The following LMNTD1 variants were observed in gnomAD, a reference collection of about 807,000 sequenced individuals.
LMNTD1 encodes lamin tail domain containing 1.
In LMNTD1, 35 loss-of-function variants were observed where a neutral mutation model predicts 50.9. The observed-to-expected ratio is 0.69, with a 90% CI of 0.53 to 0.91. The LOEUF is 0.91. Ranked by LOEUF, LMNTD1 falls within the 40% of genes least tolerant of loss-of-function variation. The pLI, the probability that LMNTD1 is intolerant of heterozygous loss-of-function variation, is 0.00. For synonymous variants in LMNTD1, 153 were observed against 161.9 expected (o/e 0.94, Z 0.42); for missense variants, 470 against 475.5 (o/e 0.99, Z 0.11).
At position 25,635,217 on chromosome 12, in the gene LMNTD1, G is replaced by A. The variant is rs141791506; in HGVS notation, c.58+13277C>T. ...ATCACACCATTGCACTCCAGTCTGGGCAACAAGAGTGAAACTCTGTCTCAA... is the reference window on the plus strand; with the variant it reads ...ATCACACCATTGCACTCCAGTCTGGACAACAAGAGTGAAACTCTGTCTCAA... On this transcript the variant is annotated intron_variant, in intron 1 of 7. Coordinates refer to the LMNTD1 transcript ENST00000445693. Among the ~76,000 whole-genome samples the A allele has an allele frequency of 4.3e-3, 570 of 131,280 alleles. 1 individual carries two copies. The highest frequency in any genetic ancestry group is 0.015 in the African/African-American group (529 of 35,390). The allele number at this position is 131,280 out of a possible 152,430, so 86.1% of individuals were successfully genotyped here.
intron 1 of LMNTD1, among the ~76,000 whole-genome samples, chr12:25,579,865 C>G (rs183338240): frequency 6.6e-6 from 1 of 152,102 alleles, no homozygotes; most frequent in Non-Finnish European, 1.5e-5. Flanking sequence ...AACTACCCAG[C>G]GAGCCTCTGA....
chr12:25,559,908 ATTTG>A (rs1354450066), intron 1 of LMNTD1, among the ~76,000 whole-genome samples: 2 of 152,112 alleles, frequency 1.3e-5, no homozygotes, highest in African/African-American at 4.8e-5. Flanking sequence ...TTTCTTACAA[ATTTG>A]TTTAAGTTCT....
Position 25,526,183 on chromosome 12 carries a change from A to T in LMNTD1, c.714T>A (p.Pro238=). The change falls in exon 6 of 10, where the codon CCT becomes CCA. Residue 238 remains proline (P), a synonymous_variant. Coordinates refer to ENST00000458174, the MANE Select transcript of LMNTD1 (RefSeq NM_001145728.2). ...WAAASEAKHQ[P]PSDFLWKEQD... ...GTTCCTTCCAAAGAAAATCTGATGGAGGTTGATGCTTTGCTTCAGATGCTG... is the reference window on the plus strand; with the variant it reads ...GTTCCTTCCAAAGAAAATCTGATGGTGGTTGATGCTTTGCTTCAGATGCTG... 1 of 1,611,050 alleles carries T rather than the reference A, an allele frequency of 6.2e-7. No homozygotes were observed. The highest frequency in any genetic ancestry group is 8.5e-7 in the Non-Finnish European group (1 of 1,178,350).
intron 6 of LMNTD1, among the ~76,000 whole-genome samples, chr12:25,524,828 C>T (rs10505966): frequency 0.14 from 21,092 of 151,968 alleles, 1,547 homozygotes; most frequent in East Asian, 0.2. Flanking sequence ...AAATTCAGTT[C>T]GAGCCCACAA....
At chr12:25,579,676 T>A (rs540406635) in intron 1 of LMNTD1, among the ~76,000 whole-genome samples, 4 of 152,296 alleles carry the variant, frequency 2.6e-5, no homozygotes, top group African/African-American at 9.6e-5. Flanking sequence ...CATCTCCCTG[T>A]GCTATCTCAG....
intron 1 of LMNTD1, among the ~76,000 whole-genome samples, chr12:25,607,343 C>T (rs921189797): frequency 5.9e-5 from 9 of 152,128 alleles, no homozygotes; most frequent in African/African-American, 2.2e-4. Flanking sequence ...TTCAGTTCTG[C>T]TCTGATCTTA....
chr12:25,625,421 G>A (rs915694290), intron 1 of LMNTD1, among the ~76,000 whole-genome samples: 2 of 152,088 alleles, frequency 1.3e-5, no homozygotes, highest in Non-Finnish European at 2.9e-5. Context: ...GGTATTCTGG[G>A]TGGAGTTTCA....
At chr12:25,503,833 G>C (rs757325419) in intron 8 of LMNTD1, 33 bp from the exon 9 acceptor site, 2 of 1,313,876 alleles carry the variant, frequency 1.5e-6, no homozygotes, top group African/African-American at 1.5e-5. Context: ...AAAAAAAGGA[G>C]AGAGGCTAGG....
At chr12:25,526,476 G>T (rs1357221141) in intron 5 of LMNTD1, among the ~76,000 whole-genome samples, 3 of 151,924 alleles carry the variant, frequency 2.0e-5, no homozygotes, top group African/African-American at 7.3e-5. Flanking sequence ...TGTCTTTTCA[G>T]GTTTATATTT....
intron 1 of LMNTD1, among the ~76,000 whole-genome samples, chr12:25,583,928 C>T (rs1945413715): frequency 6.6e-6 from 1 of 152,140 alleles, no homozygotes; most frequent in Admixed American, 6.6e-5. Context: ...ACTACTTTGG[C>T]TTCTGTGTTG....
At chr12:25,619,702 G>T (rs1946433332) in intron 1 of LMNTD1, among the ~76,000 whole-genome samples, 1 of 152,216 alleles carries the variant, frequency 6.6e-6, no homozygotes, top group African/African-American at 2.4e-5. Context: ...CCGTGGGCAG[G>T]ACGGCAGGTG....
intron 1 of LMNTD1, among the ~76,000 whole-genome samples, chr12:25,600,077 A>C (rs1945927972): frequency 6.6e-6 from 1 of 152,134 alleles, no homozygotes; most frequent in Non-Finnish European, 1.5e-5. Flanking sequence ...CCAAAACAGC[A>C]TGGTACTGGC....
At chr12:25,573,935 C>T (rs1944897382) in intron 1 of LMNTD1, among the ~76,000 whole-genome samples, 1 of 152,152 alleles carries the variant, frequency 6.6e-6, no homozygotes, top group African/African-American at 2.4e-5. Flanking sequence ...AGACTCTATC[C>T]TTGATGTTCA....
chr12:25,594,005 A>G (rs544449871), intron 1 of LMNTD1, among the ~76,000 whole-genome samples: 1 of 152,290 alleles, frequency 6.6e-6, no homozygotes, highest in South Asian at 2.1e-4. Flanking sequence ...AATTAACCCA[A>G]TCTAACAAAG....
intron 4 of LMNTD1, among the ~76,000 whole-genome samples, chr12:25,529,599 G>A (rs180851520): frequency 1.3e-5 from 2 of 152,070 alleles, no homozygotes; most frequent in Non-Finnish European, 2.9e-5. Flanking sequence ...ATCTATTTAC[G>A]TCTTTTCTCC....
At chr12:25,564,202 C>T (rs922927502) in intron 1 of LMNTD1, among the ~76,000 whole-genome samples, 1 of 152,172 alleles carries the variant, frequency 6.6e-6, no homozygotes, top group Non-Finnish European at 1.5e-5. Flanking sequence ...AGAAATCACC[C>T]ATCTTCTGCA....
At chr12:25,535,413 T>A (rs202162091) in intron 4 of LMNTD1, among the ~76,000 whole-genome samples, 1 of 151,406 alleles carries the variant, frequency 6.6e-6, no homozygotes, top group East Asian at 1.9e-4. Flanking sequence ...GAAATAATGG[T>A]AAAAATTTTC....
intron 4 of LMNTD1, among the ~76,000 whole-genome samples, chr12:25,545,927 G>A (rs1943399922): frequency 6.6e-6 from 1 of 151,516 alleles, no homozygotes; most frequent in South Asian, 2.1e-4. Context: ...TTTTATTTTA[G>A]TCTTAATATC....
In LMNTD1 at chr12:25,492,759, T is replaced by C. The variant is rs556739555; in HGVS notation, c.*22+10979A>G. Among the ~76,000 whole-genome samples the C allele has an allele frequency of 7.2e-5, 11 of 152,340 alleles. No homozygotes were observed. The East Asian group carries it at 1.9e-3, about 27-fold the overall frequency. ...TTTTATAGTGGAACAAATTCTATCT[T>C]CATCTCTCACTATCCTACATGCTGC... On this transcript the variant is annotated intron_variant, in intron 9 of 9. Transcript: ENST00000458174.
Sources: allele counts gnomAD v4.1 joint callset (sites outside exome capture counted in the v4.1 genomes callset), GRCh38; gene constraint gnomAD v4.1.1; transcripts MANE v1.5; gene names NCBI Gene and HGNC (gene_info 2026-07-23, HGNC 2026-07-21).